DNM3: variants seen among roughly 807,000 people sequenced by gnomAD.
The protein encoded by DNM3 is dynamin-3.
In DNM3, 47 loss-of-function variants were observed where a neutral mutation model predicts 101.6. The observed-to-expected ratio is 0.46, with a 90% CI of 0.37 to 0.59. DNM3 has a LOEUF of 0.59. DNM3 is among the 20% of genes least tolerant of loss of function. DNM3 has a pLI of 0.00. For missense variants in DNM3, 849 were observed against 1,085.7 expected, an observed-to-expected ratio of 0.78 and a Z score of 3.06; for synonymous variants, 385 against 387.9, an observed-to-expected ratio of 0.99 and a Z score of 0.09.
In DNM3 at chr1:171,941,667, G is replaced by A. The variant is rs1393972032; in HGVS notation, c.235+19846G>A. Among the ~76,000 whole-genome samples the A allele has an allele frequency of 4.1e-4, 63 of 152,228 alleles. 1 individual carries two copies. Among genetic ancestry groups the A allele is most frequent in the Admixed American group, 4.1e-3 (63 of 15,276 alleles). On this transcript the variant is annotated intron_variant, in intron 2 of 20. Coordinates refer to ENST00000627582, the MANE Select transcript of DNM3 (RefSeq NM_015569.5). ...GTTTGCTTCTCAAGGGCAGAGACCAGTGTGTAAAGCTTAATATCCTTGTTC... is the reference window on the plus strand; with the variant it reads ...GTTTGCTTCTCAAGGGCAGAGACCAATGTGTAAAGCTTAATATCCTTGTTC...
At chr1:172,378,139 TG>T (rs1383045667) in intron 17 of DNM3, 1 of 152,086 alleles carries the variant, frequency 6.6e-6, no homozygotes, top group East Asian at 1.9e-4. Context: ...ACCTGTGTCA[TG>T]TTCTGGGGCT....
chr1:172,072,544 C>T (rs1368821970), intron 11 of DNM3, among the ~76,000 whole-genome samples: 10 of 152,116 alleles, frequency 6.6e-5, no homozygotes, highest in African/African-American at 1.7e-4. Flanking sequence ...CAAGTGGCCA[C>T]GTACTAATTA....
At chr1:172,011,143 C>T (rs1318691103) in intron 4 of DNM3, among the ~76,000 whole-genome samples, 2 of 151,852 alleles carry the variant, frequency 1.3e-5, no homozygotes, top group African/African-American at 4.8e-5. Flanking sequence ...GTAGAGTTTA[C>T]TGATATCAAC....
At chr1:172,141,350 T>C (rs1026176271) in intron 14 of DNM3, among the ~76,000 whole-genome samples, 7 of 152,116 alleles carry the variant, frequency 4.6e-5, no homozygotes, top group Non-Finnish European at 1.0e-4. Context: ...GGTTAAAGCC[T>C]GACCTTCTAG....
chr1:172,329,472 T>A (rs1324312475), intron 17 of DNM3, among the ~76,000 whole-genome samples: 1 of 151,992 alleles, frequency 6.6e-6, no homozygotes, highest in East Asian at 1.9e-4. Flanking sequence ...AAAAATTAAT[T>A]TGAAAATGAA....
intron 1 of DNM3, among the ~76,000 whole-genome samples, chr1:171,870,599 T>C (rs1045111819): frequency 6.6e-6 from 1 of 152,226 alleles, no homozygotes; most frequent in African/African-American, 2.4e-5. Flanking sequence ...AGTAAGAGTC[T>C]TTTGAATGCT....
At chr1:172,020,023 C>T (rs1489578709) in intron 4 of DNM3, among the ~76,000 whole-genome samples, 4 of 151,536 alleles carry the variant, frequency 2.6e-5, no homozygotes, top group East Asian at 1.9e-4. Context: ...TTTTTTTCTT[C>T]GCCTTTTAAT....
intron 1 of DNM3, among the ~76,000 whole-genome samples, chr1:171,892,768 A>G (rs2037403614): frequency 6.6e-6 from 1 of 152,202 alleles, no homozygotes; most frequent in East Asian, 1.9e-4. Context: ...TGGCTCTGGC[A>G]GGGAGTGTTT....
chr1:172,027,203 G>T (rs943601003), intron 4 of DNM3, among the ~76,000 whole-genome samples: 2 of 152,020 alleles, frequency 1.3e-5, no homozygotes, highest in Non-Finnish European at 2.9e-5. Flanking sequence ...AGGCAAAATA[G>T]CCAGCTAGCA....
chr1:171,864,283 TTTTCCAAAAGGTACG>T (rs1218945229), intron 1 of DNM3: 1 of 152,248 alleles, frequency 6.6e-6, no homozygotes, highest in Non-Finnish European at 1.5e-5. Context: ...TGAAGCCTGT[TTTTCCAAAAGGTACG>T]TTTCCTGGTT....
At chr1:172,123,267 A>G (rs1406654740) in intron 13 of DNM3, among the ~76,000 whole-genome samples, 2 of 152,076 alleles carry the variant, frequency 1.3e-5, no homozygotes, top group Admixed American at 1.3e-4. Flanking sequence ...TATTCTTTAA[A>G]TCCCTTCATA....
intron 14 of DNM3, among the ~76,000 whole-genome samples, chr1:172,188,928 T>A (rs984062514): frequency 2.0e-5 from 3 of 151,982 alleles, no homozygotes; most frequent in Non-Finnish European, 4.4e-5. Flanking sequence ...CTTAAAACTC[T>A]TCACCAAACC....
chr1:172,361,920 T>C lies in DNM3; in HGVS notation c.1894-17098T>C, dbSNP rs536616257. On this transcript the variant is annotated intron_variant, in intron 17 of 20. Transcript: ENST00000627582. The stretch of plus-strand genomic sequence containing the variant: ...GACCATTGCAAATACCCAACACTTA[T>C]AAGACCCTGCCCTCCTTTCACTCAC... 2.1e-4 allele frequency among the ~76,000 whole-genome samples: 32 copies of C among 152,128 alleles called. 1 individual carries two copies. The South Asian group carries it at 2.5e-3, about 12-fold the overall frequency.
At chr1:172,052,314 A>G (rs901376108) in intron 10 of DNM3, among the ~76,000 whole-genome samples, 2 of 151,864 alleles carry the variant, frequency 1.3e-5, no homozygotes, top group African/African-American at 4.8e-5. Context: ...TAGAGGATGT[A>G]CTCTTTTTAG....
chr1:172,337,865 A>ATTTTT (rs1225609207), intron 17 of DNM3, among the ~76,000 whole-genome samples: 2 of 87,020 alleles, frequency 2.3e-5, no homozygotes, highest in Non-Finnish European at 5.3e-5. Flanking sequence ...ATTTTATTTT[A>ATTTTT]TTTTTATTTT....
intron 1 of DNM3, among the ~76,000 whole-genome samples, chr1:171,843,758 A>G (rs2031637487): frequency 6.6e-6 from 1 of 152,184 alleles, no homozygotes; most frequent in Admixed American, 6.5e-5. Flanking sequence ...TCCCCACACT[A>G]GCTATGTTCT....
At chr1:171,989,282 G>C (rs950796875) in intron 4 of DNM3, 134 bp downstream of exon 4, 2 of 536,624 alleles carry the variant, frequency 3.7e-6, no homozygotes, top group African/African-American at 2.0e-5. Flanking sequence ...TAAACCTTTT[G>C]TATTTTAAAT....
chr1:171,924,036 T>A (rs1053783004), intron 2 of DNM3, among the ~76,000 whole-genome samples: 1 of 152,240 alleles, frequency 6.6e-6, no homozygotes, highest in Non-Finnish European at 1.5e-5. Context: ...GGCTGCATAG[T>A]ATTCTATGGT....
intron 15 of DNM3, among the ~76,000 whole-genome samples, chr1:172,264,164 AT>A (rs1208438817): frequency 6.6e-6 from 1 of 152,244 alleles, no homozygotes; most frequent in African/African-American, 2.4e-5. Context: ...GGGAAATAGT[AT>A]TAGTCAAAGC....
Sources: gnomAD v4.1 joint callset for allele counts (sites outside exome capture counted in the v4.1 genomes callset) on GRCh38, gnomAD v4.1.1 for gene constraint, MANE v1.5 for transcripts, NCBI Gene and HGNC (gene_info 2026-07-23, HGNC 2026-07-21) for gene names.